The following TIAM1 variants were observed in gnomAD, a reference collection of about 807,000 sequenced individuals.
The protein encoded by TIAM1 is TIAM Rac1 associated GEF 1, also known as rho guanine nucleotide exchange factor TIAM1.
TIAM1 carries 65 observed loss-of-function variants against 163.5 expected under a neutral mutation model. The ratio of observed to expected loss-of-function variants is 0.40; its 90% CI spans 0.33 to 0.49. TIAM1 has a LOEUF of 0.49. Ranked by LOEUF, TIAM1 falls within the 20% of genes least tolerant of loss-of-function variation. The pLI is 0.77. For missense variants in TIAM1, 1,789 were observed against 2,044.7 expected, an observed-to-expected ratio of 0.87 and a Z score of 2.41; for synonymous variants, 833 against 810.1, an observed-to-expected ratio of 1.03 and a Z score of -0.48.
At chr21:31,419,625 T>C (rs2043494734) in intron 2 of TIAM1, among the ~76,000 whole-genome samples, 3 of 152,236 alleles carry the variant, frequency 2.0e-5, no homozygotes. Flanking sequence ...AAATCTGTGT[T>C]TAAAATTTTT....
chr21:31,227,939 T>C (rs1044633252), intron 6 of TIAM1, among the ~76,000 whole-genome samples: 1 of 151,980 alleles, frequency 6.6e-6, no homozygotes, highest in Admixed American at 6.6e-5. Flanking sequence ...GGAGTCTGTC[T>C]GTCACCAGGC....
In TIAM1 at chr21:31,398,501, G is replaced by A. The variant is rs554746432; in HGVS notation, c.-368-59079C>T. Among the ~76,000 whole-genome samples the A allele has an allele frequency of 2.6e-5, 4 of 152,308 alleles. No homozygotes were observed. In the East Asian group the frequency reaches 7.7e-4, roughly 29 times the overall value. On this transcript the variant is annotated intron_variant, in intron 2 of 28. Coordinates refer to the TIAM1 transcript ENST00000286827. Reference sequence around the variant, plus strand: ...CCATGGGAAGTAGCCCACATCTTTTGTATTCTCCATCACACTTCAAATATC... The same window carrying A: ...CCATGGGAAGTAGCCCACATCTTTTATATTCTCCATCACACTTCAAATATC...
chr21:31,556,401 C>G (rs2048881017), intron 1 of TIAM1, among the ~76,000 whole-genome samples: 1 of 151,946 alleles, frequency 6.6e-6, no homozygotes, highest in East Asian at 1.9e-4. Context: ...AACCACTGGA[C>G]AGCCTACAAG....
intron 8 of TIAM1, among the ~76,000 whole-genome samples, chr21:31,220,938 C>A (rs1397181800): frequency 2.0e-5 from 3 of 152,182 alleles, no homozygotes; most frequent in African/African-American, 7.2e-5. Context: ...CTGCAAATCA[C>A]TCAGCATTAT....
rs78317420 is a variant in TIAM1 at position 31,145,385 on chromosome 21, C to T, written c.3475+1510G>A. Among the ~76,000 whole-genome samples, 308 of 152,282 alleles carry T rather than the reference C, an allele frequency of 2.0e-3. 9 individuals carry two copies. The East Asian group carries it at 0.045, about 22-fold the overall frequency. On this transcript the variant is annotated intron_variant, in intron 20 of 27. Coordinates refer to ENST00000541036, the MANE Select transcript of TIAM1 (RefSeq NM_001353694.2). ...AGAACATTATTTACATATCCGGGGA[C>T]CTGATCAGCAGCTGTTTACTTGGCA...
intron 16 of TIAM1, among the ~76,000 whole-genome samples, chr21:31,158,985 G>C (rs2083764779): frequency 6.6e-6 from 1 of 152,218 alleles, no homozygotes; most frequent in African/African-American, 2.4e-5. Context: ...CTCAATGGGA[G>C]CTTCTCAACA....
intron 6 of TIAM1, among the ~76,000 whole-genome samples, chr21:31,236,292 G>A (rs1003423591): frequency 6.6e-6 from 1 of 152,174 alleles, no homozygotes; most frequent in African/African-American, 2.4e-5. Flanking sequence ...ATATTTGCCT[G>A]GGGCTCCACA....
intron 1 of TIAM1, among the ~76,000 whole-genome samples, chr21:31,557,635 GTAA>G (rs954635448): frequency 1.3e-5 from 2 of 152,172 alleles, no homozygotes; most frequent in African/African-American, 4.8e-5. Flanking sequence ...GCGTGCATGG[GTAA>G]CCCGATCCGG....
chr21:31,533,907 G>A (rs529847991), intron 1 of TIAM1, among the ~76,000 whole-genome samples: 1 of 152,186 alleles, frequency 6.6e-6, no homozygotes, highest in African/African-American at 2.4e-5. Flanking sequence ...GTGCGGACAG[G>A]AGGGAATAGG....
intron 1 of TIAM1, among the ~76,000 whole-genome samples, chr21:31,524,277 G>T (rs146912832): frequency 6.6e-6 from 1 of 152,122 alleles, no homozygotes; most frequent in Admixed American, 6.5e-5. Context: ...AGGTGAAGTG[G>T]GGGTAGGAGT....
chr21:31,163,570 A>C (rs2084039065), intron 16 of TIAM1, among the ~76,000 whole-genome samples: 1 of 152,216 alleles, frequency 6.6e-6, no homozygotes, highest in African/African-American at 2.4e-5. Context: ...AGGAAAGAGA[A>C]ACAAATATGG....
intron 14 of TIAM1, among the ~76,000 whole-genome samples, chr21:31,184,664 G>A (rs1375424971): frequency 4.6e-5 from 7 of 152,232 alleles, no homozygotes; most frequent in Admixed American, 2.6e-4. Flanking sequence ...CGGCACACTC[G>A]TTGTGATGAA....
Position 31,141,274 on chromosome 21 carries a change from G to GAGAC in TIAM1, c.3656-42_3656-39dup. ...AGGTTGTGAAATGAGAGGCTATTTA[G>GAGAC]AGACCCTCATGGAGACTCAGGCCTG... On this transcript the variant is annotated intron_variant, in intron 21 of 27. Transcript: ENST00000541036. This position sits in a 1 kb window ranked among gnomAD's most constrained non-coding sequence, Gnocchi z 4.7. 1 of 1,613,800 alleles carries GAGAC rather than the reference G, an allele frequency of 6.2e-7. No individual in the cohort carries two copies. Among genetic ancestry groups the GAGAC allele is most frequent in the Non-Finnish European group, 8.5e-7 (1 of 1,179,756 alleles).
intron 1 of TIAM1, among the ~76,000 whole-genome samples, chr21:31,518,992 C>A (rs886204267): frequency 6.6e-6 from 1 of 152,130 alleles, no homozygotes; most frequent in Non-Finnish European, 1.5e-5. Flanking sequence ...GTCAGGAGTT[C>A]GAGACCAGCC....
chr21:31,358,493 T>C (rs1225836218), intron 2 of TIAM1, among the ~76,000 whole-genome samples: 1 of 152,160 alleles, frequency 6.6e-6, no homozygotes, highest in Non-Finnish European at 1.5e-5. Context: ...TACCGCACTG[T>C]GCACGTACAC....
intron 15 of TIAM1, 146 bp downstream of exon 15, chr21:31,182,275 G>A (rs1227441227): frequency 1.7e-6 from 1 of 594,122 alleles, no homozygotes; most frequent in Non-Finnish European, 2.7e-6. Context: ...GAAATGCAGG[G>A]CCAGTCATCA....
intron 15 of TIAM1, among the ~76,000 whole-genome samples, chr21:31,176,805 A>C (rs2146415054): frequency 6.6e-6 from 1 of 152,156 alleles, no homozygotes; most frequent in South Asian, 2.1e-4. Flanking sequence ...TTGGTGACCT[A>C]AGGCAGTGGC....
intron 2 of TIAM1, among the ~76,000 whole-genome samples, chr21:31,292,371 CTT>C (rs763364996): frequency 1.6e-4 from 22 of 138,724 alleles, no homozygotes; most frequent in Non-Finnish European, 1.9e-4. Flanking sequence ...TTTCAATTTC[CTT>C]TTTTTTTTTT....
At chr21:31,300,786 T>C (rs2074467048) in intron 2 of TIAM1, among the ~76,000 whole-genome samples, 1 of 152,220 alleles carries the variant, frequency 6.6e-6, no homozygotes, top group African/African-American at 2.4e-5. Context: ...GCAAACATTA[T>C]TTATTGCTCC....
Sources: allele counts gnomAD v4.1 joint callset (sites outside exome capture counted in the v4.1 genomes callset), GRCh38; gene constraint gnomAD v4.1.1; non-coding constraint Gnocchi (gnomAD v3.1); transcripts MANE v1.5; gene names NCBI Gene and HGNC (gene_info 2026-07-23, HGNC 2026-07-21).